MRPL44: variants seen among roughly 807,000 people sequenced by gnomAD.
The protein encoded by MRPL44 is large ribosomal subunit protein mL44.
A neutral mutation model predicts 25.9 loss-of-function variants in MRPL44; 21 were observed. The ratio of observed to expected loss-of-function variants is 0.81; its 90% CI spans 0.58 to 1.17. The LOEUF is 1.17. Ranked by LOEUF, MRPL44 falls within the 50% of genes most tolerant of loss-of-function variation. MRPL44 has a pLI of 0.00. For missense variants in MRPL44, 410 were observed against 398.9 expected, an observed-to-expected ratio of 1.03 and a Z score of -0.24; for synonymous variants, 169 against 151.0, an observed-to-expected ratio of 1.12 and a Z score of -0.87.
chr2:223,962,683 A>G (rs1205363869), intron 2 of MRPL44, among the ~76,000 whole-genome samples: 1 of 152,154 alleles, frequency 6.6e-6, no homozygotes, highest in Non-Finnish European at 1.5e-5. Context: ...GAAATTATTA[A>G]AAGATTTTTT....
chr2:223,960,371 C>T (rs1158227385), intron 2 of MRPL44, among the ~76,000 whole-genome samples: 3 of 152,210 alleles, frequency 2.0e-5, no homozygotes, highest in African/African-American at 7.2e-5. Flanking sequence ...GCTGTCTGCT[C>T]TTCCAAGTGA....
intron 2 of MRPL44, 38 bp downstream of exon 2, chr2:223,960,040 G>A: frequency 6.9e-7 from 1 of 1,453,672 alleles, no homozygotes; most frequent in Non-Finnish European, 9.4e-7. Flanking sequence ...GAGATAGACA[G>A]AAGGGAAAAT....
the MRPL44 span, among the ~76,000 whole-genome samples, chr2:223,951,085 G>T: frequency 3.8e-3 from 586 of 152,302 alleles, 4 homozygotes; most frequent in African/African-American, 0.013. Context: ...AATGGATATT[G>T]TGTGTATTGT....
At chr2:223,963,591 A>G (rs1422713451) in intron 2 of MRPL44, among the ~76,000 whole-genome samples, 165 bp from the exon 3 acceptor site, 1 of 152,198 alleles carries the variant, frequency 6.6e-6, no homozygotes, top group Non-Finnish European at 1.5e-5. Context: ...GTGGGAATGA[A>G]AAAGAATAGT....
upstream of MRPL44, among the ~76,000 whole-genome samples, chr2:223,953,834 GCAAAA>G (rs1176481684): frequency 6.6e-6 from 1 of 152,176 alleles, no homozygotes; most frequent in African/African-American, 2.4e-5. Flanking sequence ...TATTTAAAAA[GCAAAA>G]CAAAAGTGTG....
Position 223,967,084 on chromosome 2 carries a change from G to A in MRPL44, c.*50G>A. On this transcript the variant is annotated 3_prime_UTR_variant, in exon 4 of 4. Transcript: ENST00000258383. ...ACTTGAGAGCGAAAGTGAGATAAAT[G>A]TCAAAGGTGTTTCAAGCCAGACATT... is the stretch of plus-strand genomic sequence containing the variant. The A allele has an allele frequency of 2.0e-6, 3 of 1,500,998 alleles. No individual in the cohort carries two copies. The highest frequency in any genetic ancestry group is 2.7e-6 in the Non-Finnish European group (3 of 1,113,686). 93.0% of individuals were successfully genotyped at this position (1,500,998 alleles called of 1,614,324 possible). A position where few individuals can be genotyped will look rare whatever the true frequency, so the allele number is the denominator to read the frequency against.
chr2:223,962,859 G>A (rs894919037), intron 2 of MRPL44, among the ~76,000 whole-genome samples: 1 of 151,736 alleles, frequency 6.6e-6, no homozygotes, highest in Non-Finnish European at 1.5e-5. Flanking sequence ...GCAGCATCAC[G>A]CCTGGCTAAT....
chr2:223,957,433 G>A (rs1303487082), upstream of MRPL44: 1 of 1,612,546 alleles, frequency 6.2e-7, no homozygotes, highest in East Asian at 2.2e-5. Context: ...ACACTGGCCC[G>A]ACTACTTTCG....
At chr2:223,964,765 T>C (rs1689718116) in intron 3 of MRPL44, among the ~76,000 whole-genome samples, 1 of 152,200 alleles carries the variant, frequency 6.6e-6, no homozygotes, top group Non-Finnish European at 1.5e-5. Context: ...TCTTTGATTT[T>C]GGTATTTCAA....
Position 223,963,791 on chromosome 2 carries a change from C to T in MRPL44, c.684C>T (p.Leu228=). ...FLITQMTGKE[L]FEMWKIINPM... Reference sequence around the variant, plus strand: ...TTACTCAAATGACTGGAAAAGAGCTCTTTGAGATGTGGAAGATAATAAATC... The same window carrying T: ...TTACTCAAATGACTGGAAAAGAGCTTTTTGAGATGTGGAAGATAATAAATC... Residue 228 remains leucine, a synonymous_variant, in exon 3 of 4, where the codon CTC becomes CTT. Transcript: ENST00000258383. 2 of 1,611,440 alleles carry T rather than the reference C, an allele frequency of 1.2e-6. No individual in the cohort carries two copies.
At chr2:223,951,457 A>C in the MRPL44 span, among the ~76,000 whole-genome samples, 12 of 133,452 alleles carry the variant, frequency 9.0e-5, no homozygotes, top group East Asian at 1.5e-3. Context: ...TTTATTGTTA[A>C]CTCATGCTTC....
intron 2 of MRPL44, among the ~76,000 whole-genome samples, chr2:223,963,400 C>CG (rs1174214288): frequency 2.6e-5 from 4 of 151,906 alleles, no homozygotes; most frequent in Non-Finnish European, 5.9e-5. Context: ...CTTGTGATCA[C>CG]GCCTCTGCAC....
In MRPL44 at chr2:223,957,538, CA is replaced by C; in HGVS notation, c.68del (p.Lys23SerfsTer9). Reference protein sequence around the residue: ...HRCLLAPVAPKLVPPVRGVKK... With the variant: ...HRCLLAPVAPXLVPPVRGVKK... Reference sequence around the variant, plus strand: ...GCTGCCTCCTGGCTCCAGTCGCCCCCAAGCTGGTCCCTCCGGTTCGGGGAGT... The same window carrying C: ...GCTGCCTCCTGGCTCCAGTCGCCCCCAGCTGGTCCCTCCGGTTCGGGGAGT... On this transcript the variant is annotated frameshift_variant, in exon 1 of 4. Coordinates refer to ENST00000258383, the MANE Select transcript of MRPL44 (RefSeq NM_022915.5). LOFTEE classifies it high-confidence loss of function. 3 of 1,614,102 alleles carry C rather than the reference CA, an allele frequency of 1.9e-6. No homozygotes were observed. Among genetic ancestry groups the C allele is most frequent in the Non-Finnish European group, 2.5e-6 (3 of 1,180,022 alleles).
chr2:223,959,662 C>T lies in MRPL44; in HGVS notation c.308C>T (p.Ala103Val), dbSNP rs769970877. The T allele has an allele frequency of 1.6e-5, 26 of 1,614,178 alleles. No homozygotes were observed. Among genetic ancestry groups the T allele is most frequent in the Non-Finnish European group, 1.9e-5 (23 of 1,180,046 alleles). Residue 103 changes from alanine (A) to valine (V), a missense_variant, in exon 2 of 4, where the codon GCC becomes GTC. By Grantham distance (64) the Ala-to-Val change is moderately conservative. Coordinates refer to ENST00000258383, the MANE Select transcript of MRPL44 (RefSeq NM_022915.5). ...VNSCYIKSEEAKRQQLGIEKE... is the reference protein window; with the variant it reads ...VNSCYIKSEEVKRQQLGIEKE... ...AGCTGCTATATTAAAAGTGAGGAGGCCAAACGCCAACAACTTGGGATAGAG... is the reference window on the plus strand; with the variant it reads ...AGCTGCTATATTAAAAGTGAGGAGGTCAAACGCCAACAACTTGGGATAGAG...
At position 223,959,814 on chromosome 2, in the gene MRPL44, A is replaced by C. The variant is rs974401965; in HGVS notation, c.460A>C (p.Lys154Gln). The change falls in exon 2 of 4, where the codon AAA (lysine) becomes CAA (glutamine). Residue 154 changes from lysine to glutamine, a missense_variant. Lys to Gln is a moderately conservative substitution (Grantham distance 53). Coordinates refer to ENST00000258383, the MANE Select transcript of MRPL44 (RefSeq NM_022915.5). Reference protein sequence around the residue: ...EYPDMPTEGIKNLVDFLTGEE... With the variant: ...EYPDMPTEGIQNLVDFLTGEE... ...CCCAGACATGCCCACTGAAGGCATA[A>C]AAAATCTTGTTGACTTTCTCACTGG... The C allele has an allele frequency of 6.2e-7, 1 of 1,614,094 alleles. No homozygotes were observed. Among genetic ancestry groups the C allele is most frequent in the African/African-American group, 1.3e-5 (1 of 74,914 alleles).
chr2:223,956,000 C>T (rs1689558329), upstream of MRPL44, among the ~76,000 whole-genome samples: 1 of 152,158 alleles, frequency 6.6e-6, no homozygotes, highest in South Asian at 2.1e-4. Flanking sequence ...GACTGAGAAA[C>T]TCTCAACACA....
Position 223,964,144 on chromosome 2 carries a change from T to G in MRPL44, c.827+210T>G, listed in dbSNP as rs75627073. Among the ~76,000 whole-genome samples the G allele has an allele frequency of 9.0e-3, 1,375 of 152,352 alleles. 21 individuals are homozygous for G. Among genetic ancestry groups the G allele is most frequent in the African/African-American group, 0.031 (1,280 of 41,576 alleles). On this transcript the variant is annotated intron_variant, in intron 3 of 3. Coordinates refer to ENST00000258383, the MANE Select transcript of MRPL44 (RefSeq NM_022915.5). ...TTACTACTTCCCTTCCCGCTAGTTA[T>G]GCTTAGGAAGAATCTGAGTTTTGCT...
chr2:223,958,664 G>A (rs948329985), intron 1 of MRPL44, among the ~76,000 whole-genome samples: 4 of 152,074 alleles, frequency 2.6e-5, no homozygotes, highest in Non-Finnish European at 4.4e-5. Flanking sequence ...ATTGTGTTAC[G>A]TATAAGTAAT....
upstream of MRPL44, among the ~76,000 whole-genome samples, chr2:223,953,889 C>T (rs1689528785): frequency 6.6e-6 from 1 of 152,220 alleles, no homozygotes; most frequent in African/African-American, 2.4e-5. Flanking sequence ...AATATCTCTA[C>T]TTTCCCTCTC....
Sources: allele counts gnomAD v4.1 joint callset (sites outside exome capture counted in the v4.1 genomes callset), GRCh38; gene constraint gnomAD v4.1.1; transcripts MANE v1.5; gene names NCBI Gene and HGNC (gene_info 2026-07-23, HGNC 2026-07-21).